Variants in CNNM2 observed in about 807,000 individuals in gnomAD.
CNNM2 encodes the protein cyclin and CBS domain divalent metal cation transport mediator 2.
In CNNM2, 12 loss-of-function variants were observed where a neutral mutation model predicts 66.9. The observed-to-expected ratio is 0.18, with a 90% CI of 0.11 to 0.29. CNNM2 has a LOEUF of 0.29. Among genes scored for constraint, CNNM2 ranks in the 10% least tolerant of loss-of-function variants. CNNM2 has a pLI of 1.00. For missense variants in CNNM2, 705 were observed against 1,167.7 expected (o/e 0.60, Z 5.77); for synonymous variants, 557 against 501.8 (o/e 1.11, Z -1.47).
At position 102,918,532 on chromosome 10, in the gene CNNM2, G is replaced by T; in HGVS notation, c.52G>T (p.Ala18Ser). 1 of 1,603,286 alleles carries T rather than the reference G, an allele frequency of 6.2e-7. No individual in the cohort carries two copies. The change falls in exon 1 of 8, where the codon GCA becomes TCA. Residue 18 changes from alanine (A) to serine (S), a missense_variant. By Grantham distance (99) the Ala-to-Ser change is moderately conservative. Transcript: ENST00000369878. This position sits in a 1 kb window ranked among gnomAD's most constrained non-coding sequence, Gnocchi z 4.1. ...CAAAGTAAAGATGGCGGGCGGGCAG[G>T]CAGCCGCCGCACTGCCCACTTGGAA... Reference protein sequence around the residue: ...EPKVKMAGGQAAAALPTWKMA... With the variant: ...EPKVKMAGGQSAAALPTWKMA...
chr10:102,918,592 C>A lies in CNNM2; in HGVS notation c.112C>A (p.Arg38=). The change falls in exon 1 of 8, where the codon CGG becomes AGG. Residue 38 remains arginine, a synonymous_variant. Transcript: ENST00000369878. This position sits in a 1 kb window ranked among gnomAD's most constrained non-coding sequence, Gnocchi z 4.1. The part of the protein sequence containing the change: ...AARRSLSARG[R]GILQAAAGRL... ...GCGCCGCAGCCTCAGCGCTCGCGGC[C>A]GGGGGATCCTGCAGGCGGCTGCGGG... 1 of 1,567,128 alleles carries A rather than the reference C, an allele frequency of 6.4e-7. No homozygotes were observed. The highest frequency in any genetic ancestry group is 1.9e-5 in the Admixed American group (1 of 53,088).
chr10:102,973,135 G>A (rs1420324437), intron 1 of CNNM2, among the ~76,000 whole-genome samples: 1 of 149,786 alleles, frequency 6.7e-6, no homozygotes, highest in East Asian at 1.9e-4. Context: ...ACATCAGTAC[G>A]GTTTTTTTTT....
At chr10:103,050,254 G>A (rs185211131) in intron 2 of CNNM2, among the ~76,000 whole-genome samples, 2 of 152,234 alleles carry the variant, frequency 1.3e-5, no homozygotes, top group East Asian at 1.9e-4. Flanking sequence ...ATGGGAGGCC[G>A]GGCGTGGTGG....
intron 1 of CNNM2, among the ~76,000 whole-genome samples, chr10:102,935,899 T>C (rs1846222674): frequency 6.6e-6 from 1 of 151,076 alleles, no homozygotes; most frequent in African/African-American, 2.4e-5. Context: ...GATTACGATA[T>C]GAAATGCCAC....
chr10:103,065,748 G>A (rs560670053), intron 4 of CNNM2, among the ~76,000 whole-genome samples: 1 of 152,322 alleles, frequency 6.6e-6, no homozygotes, highest in East Asian at 1.9e-4. Flanking sequence ...AGCCACTCTT[G>A]AGGTTACAAA....
At chr10:103,068,216 A>T (rs1392138261) in intron 4 of CNNM2, among the ~76,000 whole-genome samples, 1 of 152,210 alleles carries the variant, frequency 6.6e-6, no homozygotes, top group Non-Finnish European at 1.5e-5. Context: ...GAAAGTAAAC[A>T]TCACAGGCCA....
At chr10:102,969,403 G>A (rs1300266933) in intron 1 of CNNM2, among the ~76,000 whole-genome samples, 2 of 151,534 alleles carry the variant, frequency 1.3e-5, no homozygotes, top group East Asian at 1.9e-4. Context: ...TAGTAGGGAC[G>A]GGGTTTCACC....
rs189365420 is a variant in CNNM2, at chr10:102,942,067, T to G, written c.1621+21966T>G. On this transcript the variant is annotated intron_variant, in intron 1 of 7. Coordinates refer to ENST00000369878, the MANE Select transcript of CNNM2 (RefSeq NM_017649.5). ...GATACTTTTTGTATATCTTTTCACC[T>G]AGTAGCTCCACTTCCAGAATGTGAT... Among the ~76,000 whole-genome samples, 370 of 152,368 alleles carry G rather than the reference T, an allele frequency of 2.4e-3. 1 individual carries two copies. The highest frequency in any genetic ancestry group is 4.1e-3 in the Non-Finnish European group (278 of 68,038).
chr10:103,005,663 T>G lies in CNNM2; in HGVS notation c.1622-44044T>G, dbSNP rs564054063. ...AAACTCCGTCTCTCAAAAAAAAAAT[T>G]GATTTTTGTATGTTAACCTTTAATG... On this transcript the variant is annotated intron_variant, in intron 1 of 7. Transcript: ENST00000369878. Among the ~76,000 whole-genome samples the G allele has an allele frequency of 1.3e-4, 20 of 152,158 alleles. 1 individual carries two copies. Among genetic ancestry groups the G allele is most frequent in the Admixed American group, 1.3e-3 (20 of 15,266 alleles).
intron 1 of CNNM2, among the ~76,000 whole-genome samples, chr10:102,960,158 A>G (rs2063357675): frequency 6.6e-6 from 1 of 152,186 alleles, no homozygotes; most frequent in Non-Finnish European, 1.5e-5. Context: ...TGAAGAGCTC[A>G]GCACAGTGCC....
chr10:103,087,140 A>AATTTTT lies in CNNM2; in HGVS notation c.*9960_*9961insATTTTT, dbSNP rs2065827293. On this transcript the variant is annotated 3_prime_UTR_variant, in exon 8 of 8. Transcript: ENST00000369878. ...TTCTCACGGTATAAAACTCCGCAGGATTTTTTTTTTTTTTTTTTTTTTTTT... is the reference window on the plus strand; with the variant it reads ...TTCTCACGGTATAAAACTCCGCAGGAATTTTTTTTTTTTTTTTTTTTTTTTTTTTTT... 1 of 75,374 alleles carries AATTTTT rather than the reference A, an allele frequency of 1.3e-5. No homozygotes were observed. The highest frequency in any genetic ancestry group is 2.3e-5 in the Non-Finnish European group (1 of 42,740). The allele number at this position is 75,374 out of a possible 1,614,324, so 4.7% of individuals were successfully genotyped here.
At chr10:103,039,647 A>G (rs1418999697) in intron 1 of CNNM2, among the ~76,000 whole-genome samples, 1 of 152,166 alleles carries the variant, frequency 6.6e-6, no homozygotes, top group African/African-American at 2.4e-5. Context: ...ATGTGGGTAT[A>G]GAGTCCCAGG....
intron 1 of CNNM2, among the ~76,000 whole-genome samples, chr10:102,970,330 A>G (rs1198146104): frequency 1.3e-5 from 2 of 152,206 alleles, no homozygotes; most frequent in Non-Finnish European, 2.9e-5. Flanking sequence ...TAATTGTGAT[A>G]TGTGAAAATT....
intron 1 of CNNM2, among the ~76,000 whole-genome samples, chr10:103,017,099 T>A (rs1367012201): frequency 6.6e-6 from 1 of 152,176 alleles, no homozygotes; most frequent in Non-Finnish European, 1.5e-5. Flanking sequence ...CCAACAATAC[T>A]TGGAAAGGTT....
intron 4 of CNNM2, among the ~76,000 whole-genome samples, chr10:103,061,154 A>G (rs2065379855): frequency 6.6e-6 from 1 of 152,174 alleles, no homozygotes; most frequent in African/African-American, 2.4e-5. Context: ...GCACTTTGGG[A>G]GGCTGAGGCA....
At chr10:103,038,257 A>T (rs1324900387) in intron 1 of CNNM2, among the ~76,000 whole-genome samples, 1 of 152,190 alleles carries the variant, frequency 6.6e-6, no homozygotes, top group Non-Finnish European at 1.5e-5. Context: ...AACCACCTAG[A>T]TTAGTTTTTC....
chr10:102,991,564 T>C (rs1421129881), intron 1 of CNNM2, among the ~76,000 whole-genome samples: 1 of 152,232 alleles, frequency 6.6e-6, no homozygotes, highest in Non-Finnish European at 1.5e-5. Flanking sequence ...ATCAGAATTT[T>C]GATTCTTTCA....
At position 102,999,185 on chromosome 10, in the gene CNNM2, C is replaced by T. The variant is rs886141997; in HGVS notation, c.1622-50522C>T. Among the ~76,000 whole-genome samples the T allele has an allele frequency of 5.9e-5, 9 of 151,820 alleles. No individual in the cohort carries two copies. In the South Asian group the frequency reaches 1.7e-3, roughly 28 times the overall value. ...TCCTGGGTTCACGCCATTCTCCCGCCTCAGCCTCCCGAGTAGCTGGGACTA... is the reference window on the plus strand; with the variant it reads ...TCCTGGGTTCACGCCATTCTCCCGCTTCAGCCTCCCGAGTAGCTGGGACTA... On this transcript the variant is annotated intron_variant, in intron 1 of 7. Transcript: ENST00000369878.
intron 1 of CNNM2, among the ~76,000 whole-genome samples, chr10:103,022,841 A>G (rs1327853029): frequency 6.6e-6 from 1 of 152,172 alleles, no homozygotes; most frequent in African/African-American, 2.4e-5. Flanking sequence ...GTGAAAGGCA[A>G]AGGGGGAGCA....
Sources: allele counts gnomAD v4.1 joint callset (sites outside exome capture counted in the v4.1 genomes callset), GRCh38; gene constraint gnomAD v4.1.1; non-coding constraint Gnocchi (gnomAD v3.1); transcripts MANE v1.5; gene names NCBI Gene and HGNC (gene_info 2026-07-23, HGNC 2026-07-21).